ANKIB1: variants seen among roughly 807,000 people sequenced by gnomAD.
ANKIB1 encodes the protein ankyrin repeat and IBR domain-containing protein 1.
Under a neutral mutation model 122.1 loss-of-function variants are expected in ANKIB1, and 43 were observed. The observed-to-expected ratio is 0.35, with a 90% CI of 0.28 to 0.45. The LOEUF is 0.45. Ranked by LOEUF, ANKIB1 falls within the 20% of genes least tolerant of loss-of-function variation. ANKIB1 has a pLI of 1.00. For synonymous variants in ANKIB1, 390 were observed against 442.0 expected, an observed-to-expected ratio of 0.88 and a Z score of 1.48; for missense variants, 992 against 1,329.5, an observed-to-expected ratio of 0.75 and a Z score of 3.95.
chr7:92,278,594 A>G (rs955874612), intron 1 of ANKIB1, among the ~76,000 whole-genome samples: 1 of 152,216 alleles, frequency 6.6e-6, no homozygotes, highest in South Asian at 2.1e-4. Context: ...CAGACTTTTT[A>G]TCCCAAAAGG....
chr7:92,253,644 G>A (rs565138266), intron 1 of ANKIB1, among the ~76,000 whole-genome samples: 1 of 152,116 alleles, frequency 6.6e-6, no homozygotes, highest in South Asian at 2.1e-4. Context: ...GACACAAATG[G>A]TAACATACCA....
intron 7 of ANKIB1, among the ~76,000 whole-genome samples, chr7:92,348,833 A>T (rs1034242440): frequency 3.3e-5 from 5 of 152,264 alleles, no homozygotes; most frequent in Non-Finnish European, 7.3e-5. Flanking sequence ...ATTTGAAAGA[A>T]GGAAATGTTC....
intron 1 of ANKIB1, among the ~76,000 whole-genome samples, chr7:92,265,353 A>C (rs1801650325): frequency 6.6e-6 from 1 of 152,168 alleles, no homozygotes; most frequent in Admixed American, 6.5e-5. Context: ...AATGATAAGA[A>C]TATTTTAGGC....
Position 92,246,293 on chromosome 7 carries a change from T to A in ANKIB1, c.-317T>A. The A allele has an allele frequency of 2.5e-6, 1 of 406,348 alleles. No homozygotes were observed. Among genetic ancestry groups the A allele is most frequent in the Non-Finnish European group, 4.8e-6 (1 of 208,378 alleles). The allele number at this position is 406,348 out of a possible 1,614,324, so 25.2% of individuals were successfully genotyped here. A position where few individuals can be genotyped will look rare whatever the true frequency, so the allele number is the denominator to read the frequency against. ...CAGTCTGAGCCTCGCCGCGGGCGCC[T>A]TCGGCTCACGCAGCGCTTCCCGCGG... On this transcript the variant is annotated 5_prime_UTR_variant, in exon 1 of 20. Transcript: ENST00000265742.
intron 5 of ANKIB1, among the ~76,000 whole-genome samples, chr7:92,339,892 CCTT>C (rs1009444814): frequency 2.3e-4 from 31 of 136,568 alleles, no homozygotes; most frequent in Non-Finnish European, 7.9e-5. Context: ...GCCTTTATCA[CCTT>C]CTTCCTTTTC....
intron 10 of ANKIB1, among the ~76,000 whole-genome samples, chr7:92,366,648 T>G (rs548020757): frequency 1.5e-4 from 23 of 152,306 alleles, no homozygotes; most frequent in African/African-American, 5.3e-4. Context: ...CAAAACCCCC[T>G]TTGGGGTTTC....
chr7:92,360,258 C>T (rs1803912387), intron 9 of ANKIB1, among the ~76,000 whole-genome samples: 2 of 152,188 alleles, frequency 1.3e-5, no homozygotes, highest in African/African-American at 4.8e-5. Flanking sequence ...GTAACAACCA[C>T]TCTACTTTCT....
chr7:92,259,554 CAG>C (rs1049431493), intron 1 of ANKIB1, among the ~76,000 whole-genome samples: 9 of 152,244 alleles, frequency 5.9e-5, no homozygotes, highest in Admixed American at 3.3e-4. Flanking sequence ...AGGAAATTAT[CAG>C]GGGATTTATA....
rs929859388 is a variant in ANKIB1, at chr7:92,286,944, C to T, written c.-90-7945C>T. ...TGTTGCTACAGTCCTGGTACAAGAA[C>T]CTATCAGCTGTTGCCTGATTAACCC... On this transcript the variant is annotated intron_variant, in intron 1 of 19. Transcript: ENST00000265742. Among the ~76,000 whole-genome samples, 7 of 152,330 alleles carry T rather than the reference C, an allele frequency of 4.6e-5. No homozygotes were observed. The East Asian group carries it at 1.3e-3, about 29-fold the overall frequency.
chr7:92,268,015 C>T (rs751787034), intron 1 of ANKIB1, among the ~76,000 whole-genome samples: 18 of 152,118 alleles, frequency 1.2e-4, no homozygotes, highest in Non-Finnish European at 1.9e-4. Flanking sequence ...AAGAGAAAAA[C>T]GAGTTCAAGT....
intron 2 of ANKIB1, among the ~76,000 whole-genome samples, chr7:92,303,486 T>G (rs1324391223): frequency 1.3e-5 from 2 of 152,130 alleles, no homozygotes; most frequent in Non-Finnish European, 2.9e-5. Context: ...CAAAGTGTAT[T>G]CACCTAAACC....
intron 7 of ANKIB1, among the ~76,000 whole-genome samples, chr7:92,350,439 T>C (rs1048587564): frequency 5.9e-5 from 9 of 152,212 alleles, no homozygotes; most frequent in African/African-American, 1.9e-4. Context: ...CGAGTGTATG[T>C]ATATATGTGT....
chr7:92,371,623 G>T lies in ANKIB1; in HGVS notation c.1617+16G>T. 1 of 1,588,268 alleles carries T rather than the reference G, an allele frequency of 6.3e-7. No homozygotes were observed. The highest frequency in any genetic ancestry group is 8.6e-7 in the Non-Finnish European group (1 of 1,167,016). On this transcript the variant is annotated intron_variant, in intron 11 of 19. Coordinates refer to ENST00000265742, the MANE Select transcript of ANKIB1 (RefSeq NM_019004.2). ...GTGTGCTAAGGTAAGAAGTTAAAGAGGATTTTGCATGCTTTGCATTTGGAA... is the reference window on the plus strand; with the variant it reads ...GTGTGCTAAGGTAAGAAGTTAAAGATGATTTTGCATGCTTTGCATTTGGAA...
At chr7:92,332,141 A>C (rs532487522) in intron 5 of ANKIB1, among the ~76,000 whole-genome samples, 1 of 152,312 alleles carries the variant, frequency 6.6e-6, no homozygotes, top group Admixed American at 6.5e-5. Context: ...TTAGGGCATA[A>C]AATAGAGGAT....
intron 3 of ANKIB1, among the ~76,000 whole-genome samples, chr7:92,309,923 T>TAAAAAAA (rs869276384): frequency 3.9e-4 from 37 of 96,044 alleles, no homozygotes; most frequent in East Asian, 2.8e-3. Context: ...AGACTCCATC[T>TAAAAAAA]AAAAAAAAAA....
rs1218632159 is a variant in ANKIB1, at chr7:92,357,473, G to A, written c.1398-4712G>A. ...ATTTAGGCCGGGCTCACTGGCTTACGGGTATAATCCCAGCATTTTGCAGGG... is the reference window on the plus strand; with the variant it reads ...ATTTAGGCCGGGCTCACTGGCTTACAGGTATAATCCCAGCATTTTGCAGGG... On this transcript the variant is annotated intron_variant, in intron 9 of 19. Coordinates refer to ENST00000265742, the MANE Select transcript of ANKIB1 (RefSeq NM_019004.2). Among the ~76,000 whole-genome samples the A allele has an allele frequency of 2.0e-5, 3 of 152,130 alleles. No individual in the cohort carries two copies. The East Asian group carries it at 5.8e-4, about 29-fold the overall frequency.
At chr7:92,369,634 G>T (rs1804187694) in intron 10 of ANKIB1, among the ~76,000 whole-genome samples, 1 of 152,148 alleles carries the variant, frequency 6.6e-6, no homozygotes, top group Non-Finnish European at 1.5e-5. Flanking sequence ...TTTCTCTCCT[G>T]CTTTGACAGT....
chr7:92,270,722 G>A (rs1450754439), intron 1 of ANKIB1, among the ~76,000 whole-genome samples: 3 of 138,724 alleles, frequency 2.2e-5, no homozygotes, highest in Non-Finnish European at 3.1e-5. Flanking sequence ...GTCTTCCATC[G>A]CTATAGTTTT....
chr7:92,321,483 A>T (rs969102775), intron 4 of ANKIB1, among the ~76,000 whole-genome samples: 1 of 152,210 alleles, frequency 6.6e-6, no homozygotes, highest in African/African-American at 2.4e-5. Flanking sequence ...CAATTCCATG[A>T]AGGCTAGAGC....
Sources: allele counts gnomAD v4.1 joint callset (sites outside exome capture counted in the v4.1 genomes callset), GRCh38; gene constraint gnomAD v4.1.1; transcripts MANE v1.5; gene names NCBI Gene and HGNC (gene_info 2026-07-23, HGNC 2026-07-21).